PCDHGA9: variants seen among roughly 807,000 people sequenced by gnomAD.
The protein encoded by PCDHGA9 is protocadherin gamma-A9.
Under a neutral mutation model 62.5 loss-of-function variants are expected in PCDHGA9, and 37 were observed. The observed-to-expected ratio is 0.59, with a 90% CI of 0.46 to 0.78. PCDHGA9 has a LOEUF of 0.78. Ranked by LOEUF, PCDHGA9 falls within the 30% of genes least tolerant of loss-of-function variation. The pLI is 0.00. For synonymous variants in PCDHGA9, 459 were observed against 484.6 expected, an observed-to-expected ratio of 0.95 and a Z score of 0.69; for missense variants, 1,138 against 1,166.2, an observed-to-expected ratio of 0.98 and a Z score of 0.35.
intron 1 of PCDHGA9, chr5:141,409,612 C>T: frequency 6.2e-7 from 1 of 1,613,908 alleles, no homozygotes; most frequent in Non-Finnish European, 8.5e-7. Flanking sequence ...CAGGAGCCTC[C>T]ATTGCGCAAG....
rs779686795 is a variant in PCDHGA9 at position 141,476,566 on chromosome 5, G to C, written c.2425-18241G>C. The stretch of plus-strand genomic sequence containing the variant: ...TGGAGATTAGCGAGGCCGTGGCTCC[G>C]GGGACGCGCTTTCCGCTCGAGAGCG... On this transcript the variant is annotated intron_variant, in intron 1 of 3. Transcript: ENST00000573521. This position sits in a 1 kb window ranked among gnomAD's most constrained non-coding sequence, Gnocchi z 7.6. 1.2e-6 allele frequency: 2 copies of C among 1,614,180 alleles called. No homozygotes were observed. The highest frequency in any genetic ancestry group is 1.7e-5 in the Admixed American group (1 of 60,030).
At position 141,490,788 on chromosome 5, in the gene PCDHGA9, C is replaced by G. The variant is rs2099704332; in HGVS notation, c.2425-4019C>G. ...ATGTCAACCCAGAGGATGGACGGAT[C>G]TTTGCCCAGCGTACCTTTGACTATG... On this transcript the variant is annotated intron_variant, in intron 1 of 3. Coordinates refer to ENST00000573521, the MANE Select transcript of PCDHGA9 (RefSeq NM_018921.3). The surrounding 1 kb of genome is among the most constrained non-coding windows in gnomAD (Gnocchi z 5.4). 6.2e-7 allele frequency: 1 copy of G among 1,613,918 alleles called. No homozygotes were observed. The highest frequency in any genetic ancestry group is 1.1e-5 in the South Asian group (1 of 91,084).
Position 141,489,273 on chromosome 5 carries a change from G to GA in PCDHGA9, c.2425-5531dup. The GA allele has an allele frequency of 6.4e-7, 1 of 1,555,870 alleles. No individual in the cohort carries two copies. The highest frequency in any genetic ancestry group is 2.2e-5 in the East Asian group (1 of 44,466). On this transcript the variant is annotated intron_variant, in intron 1 of 3. Coordinates refer to ENST00000573521, the MANE Select transcript of PCDHGA9 (RefSeq NM_018921.3). The surrounding 1 kb of genome is among the most constrained non-coding windows in gnomAD (Gnocchi z 4.5). ...CCAAGACACTCCCACAGCTCGCTGG[G>GA]AAATGGCAAGTGCTGTGCATGTTGT...
intron 1 of PCDHGA9, chr5:141,408,754 T>G: frequency 6.2e-7 from 1 of 1,610,602 alleles, no homozygotes; most frequent in Non-Finnish European, 8.5e-7. Flanking sequence ...TGGTTAGAGT[T>G]AATTCCGATG....
intron 1 of PCDHGA9, among the ~76,000 whole-genome samples, chr5:141,456,166 G>A (rs531975607): frequency 6.6e-6 from 1 of 152,148 alleles, no homozygotes; most frequent in African/African-American, 2.4e-5. Flanking sequence ...TAAAGTGCTG[G>A]GATTACAGAA....
chr5:141,450,842 T>TTTTA (rs1387012749), intron 1 of PCDHGA9, among the ~76,000 whole-genome samples: 1 of 148,196 alleles, frequency 6.7e-6, no homozygotes, highest in African/African-American at 2.5e-5. Context: ...TTTTTTTTTT[T>TTTTA]GAGATGGGGT....
intron 3 of PCDHGA9, among the ~76,000 whole-genome samples, chr5:141,509,381 C>T (rs181928019): frequency 6.6e-6 from 1 of 152,256 alleles, no homozygotes; most frequent in East Asian, 1.9e-4. Flanking sequence ...TGTCTCCTAA[C>T]CACAGAGGAT....
intron 1 of PCDHGA9, chr5:141,414,817 A>C: frequency 6.2e-7 from 1 of 1,614,214 alleles, no homozygotes; most frequent in Non-Finnish European, 8.5e-7. Context: ...TCCACTCAGC[A>C]GCAACGTGTC....
chr5:141,477,433 C>T lies in PCDHGA9; in HGVS notation c.2425-17374C>T, dbSNP rs1389102640. On this transcript the variant is annotated intron_variant, in intron 1 of 3. Transcript: ENST00000573521. The surrounding 1 kb of genome is among the most constrained non-coding windows in gnomAD (Gnocchi z 4.9). ...ACGCCGGAACCCCTTCCCTCTCAGCCCTTACAATAGTGCGTGTTCAAGTGT... is the reference window on the plus strand; with the variant it reads ...ACGCCGGAACCCCTTCCCTCTCAGCTCTTACAATAGTGCGTGTTCAAGTGT... 6.2e-7 allele frequency: 1 copy of T among 1,614,048 alleles called. No individual in the cohort carries two copies. The highest frequency in any genetic ancestry group is 2.2e-5 in the East Asian group (1 of 44,892).
intron 1 of PCDHGA9, chr5:141,430,640 G>A (rs902915974): frequency 1.1e-6 from 1 of 916,196 alleles, no homozygotes; most frequent in East Asian, 2.7e-5. Flanking sequence ...ATCCCTGGGA[G>A]TATGTGGAAA....
At position 141,486,182 on chromosome 5, in the gene PCDHGA9, C is replaced by G. The variant is rs1288782056; in HGVS notation, c.2425-8625C>G. On this transcript the variant is annotated intron_variant, in intron 1 of 3. Transcript: ENST00000573521. This position sits in a 1 kb window ranked among gnomAD's most constrained non-coding sequence, Gnocchi z 5.0. ...AGCCATGGAGCAACATTGCAGCCTT[C>G]GAGTGGATCTGCTGGACGTAAATGA... 1 of 1,614,198 alleles carries G rather than the reference C, an allele frequency of 6.2e-7. No individual in the cohort carries two copies. Among genetic ancestry groups the G allele is most frequent in the Non-Finnish European group, 8.5e-7 (1 of 1,180,028 alleles).
At chr5:141,438,571 T>TATAC (rs1212381177) in intron 1 of PCDHGA9, among the ~76,000 whole-genome samples, 15 of 94,542 alleles carry the variant, frequency 1.6e-4, no homozygotes, top group South Asian at 1.0e-3. Flanking sequence ...AGCTGTCTGA[T>TATAC]ATACATACAT....
At chr5:141,408,956 A>G in intron 1 of PCDHGA9, 1 of 1,613,714 alleles carries the variant, frequency 6.2e-7, no homozygotes, top group Non-Finnish European at 8.5e-7. Flanking sequence ...AATTAGTCTT[A>G]GTGAAAATCT....
At chr5:141,435,421 C>T (rs1384040447) in intron 1 of PCDHGA9, among the ~76,000 whole-genome samples, 2 of 152,096 alleles carry the variant, frequency 1.3e-5, no homozygotes, top group Non-Finnish European at 2.9e-5. Context: ...CTATTTTTCA[C>T]TTCTGTTATG....
At chr5:141,413,220 C>A in intron 1 of PCDHGA9, 1 of 1,613,330 alleles carries the variant, frequency 6.2e-7, no homozygotes, top group South Asian at 1.1e-5. Flanking sequence ...AGGATTGCAG[C>A]GGGCTGGTCC....
At position 141,421,233 on chromosome 5, in the gene PCDHGA9, G is replaced by A. The variant is rs201076931; in HGVS notation, c.2424+15857G>A. Reference sequence around the variant, plus strand: ...ATATCGGCTTAGAGCCTGCCATGGCGAATCGGCTACAGCGCGGGGACCGCA... The same window carrying A: ...ATATCGGCTTAGAGCCTGCCATGGCAAATCGGCTACAGCGCGGGGACCGCA... On this transcript the variant is annotated intron_variant, in intron 1 of 3. Coordinates refer to ENST00000573521, the MANE Select transcript of PCDHGA9 (RefSeq NM_018921.3). 1.4e-3 allele frequency: 2,185 copies of A among 1,592,236 alleles called. 58 individuals are homozygous for A. In the South Asian group the frequency reaches 0.024, roughly 17 times the overall value.
At chr5:141,461,617 C>T (rs1297064745) in intron 1 of PCDHGA9, among the ~76,000 whole-genome samples, 1 of 152,090 alleles carries the variant, frequency 6.6e-6, no homozygotes, top group African/African-American at 2.4e-5. Flanking sequence ...AAAGTATTTT[C>T]TAATACACCT....
Position 141,431,351 on chromosome 5 carries a change from C to T in PCDHGA9, c.2424+25975C>T, listed in dbSNP as rs1411192998. On this transcript the variant is annotated intron_variant, in intron 1 of 3. Coordinates refer to ENST00000573521, the MANE Select transcript of PCDHGA9 (RefSeq NM_018921.3). The surrounding 1 kb of genome is among the most constrained non-coding windows in gnomAD (Gnocchi z 4.8). ...TAAGTACCCCGAATTGGTGCTGAAACGCGCCCTGGACCGCGAAGAAAAGGC... is the reference window on the plus strand; with the variant it reads ...TAAGTACCCCGAATTGGTGCTGAAATGCGCCCTGGACCGCGAAGAAAAGGC... The T allele has an allele frequency of 1.9e-6, 3 of 1,613,946 alleles. No homozygotes were observed. Among genetic ancestry groups the T allele is most frequent in the African/African-American group, 2.7e-5 (2 of 74,938 alleles).
At chr5:141,453,046 T>C (rs1561950003) in intron 1 of PCDHGA9, among the ~76,000 whole-genome samples, 1 of 152,186 alleles carries the variant, frequency 6.6e-6, no homozygotes, top group Non-Finnish European at 1.5e-5. Context: ...GTTTCTATTA[T>C]GTGCAGTTTT....
Sources: allele counts gnomAD v4.1 joint callset (sites outside exome capture counted in the v4.1 genomes callset), GRCh38; gene constraint gnomAD v4.1.1; non-coding constraint Gnocchi (gnomAD v3.1); transcripts MANE v1.5; gene names NCBI Gene and HGNC (gene_info 2026-07-23, HGNC 2026-07-21).